MYB: variants seen among roughly 807,000 people sequenced by gnomAD.
MYB encodes the protein MYB proto-oncogene, transcription factor.
Under a neutral mutation model 92.9 loss-of-function variants are expected in MYB, and 28 were observed. That is an observed-to-expected ratio of 0.30 (90% CI 0.22 to 0.41). The LOEUF is 0.41. Ranked by LOEUF, MYB falls within the 10% of genes least tolerant of loss-of-function variation. MYB has a pLI of 1.00. For synonymous variants in MYB, 295 were observed against 329.1 expected (o/e 0.90, Z 1.12); for missense variants, 679 against 929.3 (o/e 0.73, Z 3.50).
intron 15 of MYB, among the ~76,000 whole-genome samples, chr6:135,212,723 C>T (rs898153333): frequency 6.6e-6 from 1 of 152,130 alleles, no homozygotes; most frequent in Non-Finnish European, 1.5e-5. Flanking sequence ...AGTAACTTAA[C>T]AAGAATTCAT....
chr6:135,205,539 T>C (rs561955782), intron 15 of MYB, among the ~76,000 whole-genome samples: 1 of 152,324 alleles, frequency 6.6e-6, no homozygotes, highest in Non-Finnish European at 1.5e-5. Context: ...TCTTTGAAAC[T>C]CAAAATTAAG....
Position 135,190,411 on chromosome 6 carries a change from C to A in MYB, c.527+64C>A. 8.0e-7 allele frequency: 1 copy of A among 1,248,602 alleles called. No individual in the cohort carries two copies. Among genetic ancestry groups the A allele is most frequent in the Non-Finnish European group, 1.2e-6 (1 of 867,488 alleles). 77.3% of individuals were successfully genotyped at this position (1,248,602 alleles called of 1,614,324 possible). On this transcript the variant is annotated intron_variant, in intron 5 of 15. Transcript: ENST00000341911. The surrounding 1 kb of genome is among the most constrained non-coding windows in gnomAD (Gnocchi z 4.5). ...GAGGGAGTGGGTATTGAACATTCTGCTTTAAATGTATGGTGAGTAAATTAT... is the reference window on the plus strand; with the variant it reads ...GAGGGAGTGGGTATTGAACATTCTGATTTAAATGTATGGTGAGTAAATTAT...
intron 15 of MYB, among the ~76,000 whole-genome samples, chr6:135,211,649 C>G (rs1415375511): frequency 6.6e-6 from 1 of 152,128 alleles, no homozygotes; most frequent in African/African-American, 2.4e-5. Context: ...ATGATATAAA[C>G]TTAGAAAGTC....
At chr6:135,205,572 T>C (rs1778749321) in intron 15 of MYB, among the ~76,000 whole-genome samples, 1 of 152,212 alleles carries the variant, frequency 6.6e-6, no homozygotes. Flanking sequence ...TTTATTAATC[T>C]GTATTCTCCT....
chr6:135,181,409 G>A lies in MYB; in HGVS notation c.-105G>A. ...AAACTTCGCCCCAGCGGTGCGGAGC[G>A]CCGCTGCGCAGCCGGGGAGGGACGC... On this transcript the variant is annotated 5_prime_UTR_variant, in exon 1 of 16. Coordinates refer to ENST00000341911, the MANE Select transcript of MYB (RefSeq NM_001130173.2). This position sits in a 1 kb window ranked among gnomAD's most constrained non-coding sequence, Gnocchi z 5.3. 1 of 773,402 alleles carries A rather than the reference G, an allele frequency of 1.3e-6. No individual in the cohort carries two copies. The highest frequency in any genetic ancestry group is 1.6e-6 in the Non-Finnish European group (1 of 611,210). 47.9% of individuals were successfully genotyped at this position (773,402 alleles called of 1,614,324 possible). A position where few individuals can be genotyped will look rare whatever the true frequency, so the allele number is the denominator to read the frequency against.
chr6:135,196,141 C>A, intron 9 of MYB, 139 bp downstream of exon 9: 1 of 900,842 alleles, frequency 1.1e-6, no homozygotes, highest in Non-Finnish European at 1.6e-6. Context: ...TTTTCATCTT[C>A]ATGAATATGT....
intron 9 of MYB, 59 bp downstream of exon 9, chr6:135,196,061 T>C (rs2128296468): frequency 6.5e-7 from 1 of 1,544,218 alleles, no homozygotes; most frequent in East Asian, 2.3e-5. Flanking sequence ...AAAACCCATT[T>C]CTTAAATCAT....
chr6:135,208,255 T>TTGGTAGCTAAAA (rs1779246057), intron 15 of MYB, among the ~76,000 whole-genome samples: 1 of 151,636 alleles, frequency 6.6e-6, no homozygotes, highest in African/African-American at 2.4e-5. Context: ...TTTTTGGTAT[T>TTGGTAGCTAAAA]TTTAGTAGGG....
intron 15 of MYB, among the ~76,000 whole-genome samples, chr6:135,215,666 A>G (rs1012198415): frequency 6.6e-6 from 1 of 151,954 alleles, no homozygotes; most frequent in Non-Finnish European, 1.5e-5. Context: ...CCCACTCCAC[A>G]TCCCCTCCCA....
At chr6:135,213,671 C>T (rs542461852) in intron 15 of MYB, among the ~76,000 whole-genome samples, 1 of 152,116 alleles carries the variant, frequency 6.6e-6, no homozygotes, top group African/African-American at 2.4e-5. Flanking sequence ...CACTTCAGTC[C>T]AGGAGGTTGA....
intron 15 of MYB, among the ~76,000 whole-genome samples, chr6:135,209,056 A>T (rs914598383): frequency 6.6e-6 from 1 of 152,088 alleles, no homozygotes; most frequent in Non-Finnish European, 1.5e-5. Flanking sequence ...CAGAATTTTC[A>T]ATTTGAATTA....
At chr6:135,200,653 T>C in intron 13 of MYB, 1 of 571,432 alleles carries the variant, frequency 1.7e-6, no homozygotes, top group South Asian at 1.8e-5. Flanking sequence ...CTAGAGAGTA[T>C]CAAGAAAAGG....
In MYB at chr6:135,217,887, T is replaced by C. The variant is rs1254289259; in HGVS notation, c.2193T>C (p.Pro731=). The C allele has an allele frequency of 4.3e-6, 7 of 1,612,760 alleles. No homozygotes were observed. The African/African-American group carries it at 8.0e-5, about 18-fold the overall frequency. Residue 731 remains proline (P), a synonymous_variant, in exon 16 of 16, where the codon CCT becomes CCC. Coordinates refer to ENST00000341911, the MANE Select transcript of MYB (RefSeq NM_001130173.2). Reference sequence around the variant, plus strand: ...AGCCTTGTAGCAGTACCTGGGAACCTGCATCCTGTGGAAAGATGGAGGAGC... The same window carrying C: ...AGCCTTGTAGCAGTACCTGGGAACCCGCATCCTGTGGAAAGATGGAGGAGC... ...PLQPCSSTWE[P]ASCGKMEEQM... is the part of the protein sequence containing the mutation.
At chr6:135,189,908 T>C (rs767554897) in intron 4 of MYB, 25 bp downstream of exon 4, 2 of 1,581,840 alleles carry the variant, frequency 1.3e-6, no homozygotes, top group South Asian at 2.3e-5. Context: ...CATTGGTGTG[T>C]GACTCATAAT....
intron 5 of MYB, 118 bp from the exon 6 acceptor site, chr6:135,192,206 A>G: frequency 1.3e-6 from 1 of 777,790 alleles, no homozygotes; most frequent in Non-Finnish European, 2.1e-6. Flanking sequence ...AATTAAAAAG[A>G]GAAAACAACT....
At chr6:135,196,112 T>G (rs1777262409) in intron 9 of MYB, 110 bp downstream of exon 9, 1 of 1,120,162 alleles carries the variant, frequency 8.9e-7, no homozygotes, top group Admixed American at 2.4e-5. Flanking sequence ...CATATATTAA[T>G]GTAAAGGTAG....
At chr6:135,183,006 GT>G (rs3071602) in intron 1 of MYB, among the ~76,000 whole-genome samples, 1,901 of 92,370 alleles carry the variant, frequency 0.021, 29 homozygotes, top group African/African-American at 0.05. Context: ...GGGGTCATCT[GT>G]TTTTTTTTTT....
intron 15 of MYB, among the ~76,000 whole-genome samples, chr6:135,209,261 T>C (rs765530580): frequency 1.3e-5 from 2 of 152,026 alleles, no homozygotes; most frequent in Non-Finnish European, 2.9e-5. Flanking sequence ...TGAGACAGAG[T>C]CTCACTCTGT....
chr6:135,195,360 G>C (rs1333783426), intron 8 of MYB: 4 of 247,844 alleles, frequency 1.6e-5, no homozygotes, highest in South Asian at 5.4e-5. Context: ...GAGTCCTCTA[G>C]CTTTTTTGTG....
Sources: gnomAD v4.1 joint callset for allele counts (sites outside exome capture counted in the v4.1 genomes callset) on GRCh38, gnomAD v4.1.1 for gene constraint, Gnocchi (gnomAD v3.1) non-coding constraint, MANE v1.5 for transcripts, NCBI Gene and HGNC (gene_info 2026-07-23, HGNC 2026-07-21) for gene names.